Variants in MCC observed in about 807,000 individuals in gnomAD.
MCC encodes colorectal mutant cancer protein.
MCC carries 90 observed loss-of-function variants against 116.2 expected under a neutral mutation model. The ratio of observed to expected loss-of-function variants is 0.77; its 90% CI spans 0.65 to 0.92. The LOEUF is 0.92. MCC is among the 40% of genes least tolerant of loss of function. The pLI is 0.00. For synonymous variants in MCC, 578 were observed against 510.5 expected, an observed-to-expected ratio of 1.13 and a Z score of -1.78; for missense variants, 1,516 against 1,312.2, an observed-to-expected ratio of 1.16 and a Z score of -2.40.
At chr5:113,430,178 AT>A (rs1314560842) in intron 1 of MCC, among the ~76,000 whole-genome samples, 1 of 152,164 alleles carries the variant, frequency 6.6e-6, no homozygotes, top group Non-Finnish European at 1.5e-5. Flanking sequence ...CTTGGTAGTC[AT>A]TTTTTCAACA....
At chr5:113,308,255 C>T (rs560453222) in intron 3 of MCC, among the ~76,000 whole-genome samples, 2 of 152,288 alleles carry the variant, frequency 1.3e-5, no homozygotes, top group South Asian at 2.1e-4. Context: ...TAACTCTTGT[C>T]CTGACATTAA....
intron 3 of MCC, among the ~76,000 whole-genome samples, chr5:113,263,738 G>A (rs1765301998): frequency 1.3e-5 from 2 of 152,210 alleles, no homozygotes; most frequent in South Asian, 2.1e-4. Flanking sequence ...ATTACCTACG[G>A]GGGTTATCTC....
chr5:113,314,484 T>C (rs544977930), intron 3 of MCC, among the ~76,000 whole-genome samples: 2 of 152,368 alleles, frequency 1.3e-5, no homozygotes, highest in East Asian at 3.9e-4. Flanking sequence ...CCACACAGTA[T>C]AGAGCCGGAT....
intron 1 of MCC, among the ~76,000 whole-genome samples, chr5:113,462,697 A>G (rs912923391): frequency 1.3e-5 from 2 of 152,248 alleles, no homozygotes; most frequent in African/African-American, 4.8e-5. Flanking sequence ...TGCAAATTTA[A>G]AGAAATGTAC....
chr5:113,026,395 TCAGCAGA>T lies in MCC; in HGVS notation c.*900_*906del, dbSNP rs1490647943. On this transcript the variant is annotated 3_prime_UTR_variant, in exon 19 of 19. Coordinates refer to ENST00000408903, the MANE Select transcript of MCC (RefSeq NM_001085377.2). ...TGCACCCATGTGGAAGAGATTTGAT[TCAGCAGA>T]ACAGCAATTATGTAGTGCCCTGGGG... 3.3e-5 allele frequency: 5 copies of T among 152,268 alleles called. No homozygotes were observed. The highest frequency in any genetic ancestry group is 1.2e-4 in the African/African-American group (5 of 41,464). The allele number at this position is 152,268 out of a possible 1,614,324, so 9.4% of individuals were successfully genotyped here.
chr5:113,313,761 T>C (rs888545815), intron 3 of MCC, among the ~76,000 whole-genome samples: 3 of 152,156 alleles, frequency 2.0e-5, no homozygotes, highest in Non-Finnish European at 4.4e-5. Context: ...CAGGGAGACC[T>C]GTATAATAAT....
chr5:113,453,489 C>T (rs1771457294), intron 1 of MCC, among the ~76,000 whole-genome samples: 1 of 152,214 alleles, frequency 6.6e-6, no homozygotes, highest in Non-Finnish European at 1.5e-5. Context: ...GTCACCATGA[C>T]ACCCATGGCT....
At chr5:113,083,147 A>T in intron 10 of MCC, 139 bp from the exon 11 acceptor site, 1 of 721,406 alleles carries the variant, frequency 1.4e-6, no homozygotes, top group Non-Finnish European at 2.2e-6. Flanking sequence ...CTCAGTTTGT[A>T]GGATAGAATC....
chr5:113,327,561 A>AAAATATAT (rs1480996383), intron 3 of MCC, among the ~76,000 whole-genome samples: 37 of 80,556 alleles, frequency 4.6e-4, no homozygotes, highest in African/African-American at 1.7e-3. Context: ...AAAAAAAAAA[A>AAAATATAT]ATATATATAT....
intron 1 of MCC, among the ~76,000 whole-genome samples, chr5:113,403,830 C>T (rs184082295): frequency 8.5e-5 from 13 of 152,282 alleles, no homozygotes; most frequent in Admixed American, 4.6e-4. Context: ...ACACCACCAA[C>T]ACTTTGGTTT....
chr5:113,419,716 T>C (rs1770266838), intron 1 of MCC, among the ~76,000 whole-genome samples: 1 of 151,378 alleles, frequency 6.6e-6, no homozygotes, highest in Non-Finnish European at 1.5e-5. Context: ...TTCATGTCCT[T>C]TGTAGGGACA....
chr5:113,143,165 A>T, intron 5 of MCC, 53 bp downstream of exon 5: 1 of 1,522,376 alleles, frequency 6.6e-7, no homozygotes, highest in Non-Finnish European at 8.8e-7. Context: ...TTCAGCTCCA[A>T]GATGGAGGGT....
chr5:113,471,209 T>C (rs924079931), intron 1 of MCC, among the ~76,000 whole-genome samples: 3 of 152,254 alleles, frequency 2.0e-5, no homozygotes, highest in Non-Finnish European at 2.9e-5. Context: ...TTTGTTCCGC[T>C]GCTGGTGAGG....
intron 3 of MCC, among the ~76,000 whole-genome samples, chr5:113,288,705 C>T (rs1766356822): frequency 6.6e-6 from 1 of 152,158 alleles, no homozygotes; most frequent in Non-Finnish European, 1.5e-5. Context: ...TGATCAAAAG[C>T]TGAGGGCAGT....
chr5:113,074,374 T>C (rs1288951422), intron 11 of MCC, among the ~76,000 whole-genome samples: 2 of 152,150 alleles, frequency 1.3e-5, no homozygotes, highest in East Asian at 1.9e-4. Flanking sequence ...CAAAACCCCA[T>C]CTGTACATCA....
chr5:113,272,982 T>G (rs1052007361), intron 3 of MCC, among the ~76,000 whole-genome samples: 1 of 152,290 alleles, frequency 6.6e-6, no homozygotes, highest in East Asian at 1.9e-4. Context: ...CAACCAGAGA[T>G]TGTAGAAATG....
rs114135469 is a variant in MCC at position 113,068,373 on chromosome 5, T to G, written c.1926-190A>C. ...GCTCTTTCATTTGGCCTTTTTATTTTTAAACCTTTAACTTGGTTCTGGAAA... is the reference window on the plus strand; with the variant it reads ...GCTCTTTCATTTGGCCTTTTTATTTGTAAACCTTTAACTTGGTTCTGGAAA... On this transcript the variant is annotated intron_variant, in intron 12 of 18. Transcript: ENST00000408903. 8.8e-3 allele frequency among the ~76,000 whole-genome samples: 1,341 copies of G among 152,340 alleles called. 21 individuals are homozygous for G. Among genetic ancestry groups the G allele is most frequent in the African/African-American group, 0.03 (1,264 of 41,558 alleles).
intron 5 of MCC, 130 bp downstream of exon 5, chr5:113,143,088 C>T (rs1759275645): frequency 1.0e-6 from 1 of 964,400 alleles, no homozygotes; most frequent in Non-Finnish European, 1.5e-6. Context: ...AAGAAAACAT[C>T]ATTATAATCT....
rs996325678 is a variant in MCC, at chr5:113,151,351, C to G, written c.699G>C (p.Glu233Asp). The G allele has an allele frequency of 6.2e-7, 1 of 1,613,906 alleles. No individual in the cohort carries two copies. ...VELNKRLQQTERERDLLEKKL... is the reference protein window; with the variant it reads ...VELNKRLQQTDRERDLLEKKL... ...TCTTTTCCAGAAGGTCCCGTTCCCT[C>G]TCTGTTTGCTGGAGACGTTTATTAA... The change falls in exon 4 of 19, where the codon GAG becomes GAC. Residue 233 changes from glutamate to aspartate, a missense_variant. By Grantham distance (45) the Glu-to-Asp change is conservative. Coordinates refer to ENST00000408903, the MANE Select transcript of MCC (RefSeq NM_001085377.2).
Sources: gnomAD v4.1 joint callset for allele counts (sites outside exome capture counted in the v4.1 genomes callset) on GRCh38, gnomAD v4.1.1 for gene constraint, MANE v1.5 for transcripts, NCBI Gene and HGNC (gene_info 2026-07-23, HGNC 2026-07-21) for gene names.